The following RBFOX1 variants were observed in gnomAD, a reference collection of about 807,000 sequenced individuals.
RBFOX1 encodes the protein RNA binding protein fox-1 homolog 1.
A neutral mutation model predicts 57.7 loss-of-function variants in RBFOX1; 8 were observed. The observed-to-expected ratio is 0.14, with a 90% CI of 0.08 to 0.25. The LOEUF (loss-of-function observed/expected upper bound fraction) is 0.25. Ranked by LOEUF, RBFOX1 falls within the 10% of genes least tolerant of loss-of-function variation. The probability of loss-of-function intolerance (pLI) is 1.00; values close to 1 mark genes in which losing one functional copy is unlikely to be tolerated. For synonymous variants in RBFOX1, 326 were observed against 222.4 expected, an observed-to-expected ratio of 1.47 and a Z score of -4.15; for missense variants, 611 against 548.5, an observed-to-expected ratio of 1.11 and a Z score of -1.14.
At chr16:5,431,202 C>T (rs180965212) in intron 1 of RBFOX1, among the ~76,000 whole-genome samples, 3 of 152,192 alleles carry the variant, frequency 2.0e-5, no homozygotes, top group African/African-American at 4.8e-5. Flanking sequence ...TCGGAGATAA[C>T]TCGATTCTCC....
At position 5,947,906 on chromosome 16, in the gene RBFOX1, G is replaced by GCT. The variant is rs1378053069; in HGVS notation, c.351+80574_351+80575dup. On this transcript the variant is annotated intron_variant, in intron 4 of 19. Coordinates refer to the RBFOX1 transcript ENST00000641259. The surrounding 1 kb of genome is among the most constrained non-coding windows in gnomAD (Gnocchi z 7.2). ...GTTTATGTAATTATTAGTTTGAATG[G>GCT]CTCTGCTCATTATGGTACAGAATTT... Among the ~76,000 whole-genome samples the GCT allele has an allele frequency of 2.0e-5, 3 of 152,194 alleles. No homozygotes were observed. Among genetic ancestry groups the GCT allele is most frequent in the African/African-American group, 7.2e-5 (3 of 41,454 alleles).
At chr16:7,652,539 C>G in intron 11 of RBFOX1, among the ~76,000 whole-genome samples, 1 of 152,262 alleles carries the variant, frequency 6.6e-6, no homozygotes, top group Middle Eastern at 3.4e-3. Flanking sequence ...TCCCAAGTAG[C>G]GGGAATTATA....
intron 5 of RBFOX1, among the ~76,000 whole-genome samples, chr16:7,563,163 G>A (rs1379780447): frequency 2.0e-5 from 3 of 152,184 alleles, no homozygotes; most frequent in African/African-American, 7.2e-5. Context: ...GAGATTAATA[G>A]AATGCTAATC....
intron 1 of RBFOX1, among the ~76,000 whole-genome samples, chr16:5,347,474 A>G (rs559185194): frequency 6.6e-6 from 1 of 152,144 alleles, no homozygotes; most frequent in Non-Finnish European, 1.5e-5. Flanking sequence ...AGAGATAATA[A>G]TTATCATTGA....
In RBFOX1 at chr16:5,773,286, G is replaced by A. The variant is rs191894820; in HGVS notation, c.319-94017G>A. Among the ~76,000 whole-genome samples, 1,082 of 152,280 alleles carry A rather than the reference G, an allele frequency of 7.1e-3. 14 individuals carry two copies. The highest frequency in any genetic ancestry group is 0.025 in the African/African-American group (1,021 of 41,556). ...AGAAAGAAAGAGATTCCTTCTTACT[G>A]CATTGTAGCTCCTTCCTCAGTGGTA... On this transcript the variant is annotated intron_variant, in intron 3 of 19. Coordinates refer to the RBFOX1 transcript ENST00000641259.
chr16:7,708,821 C>T (rs80214484), intron 14 of RBFOX1, among the ~76,000 whole-genome samples: 6 of 7,236 alleles, frequency 8.3e-4, no homozygotes, highest in Non-Finnish European at 8.9e-4. Flanking sequence ...TATGTAAGTA[C>T]GTGTGTATAT....
chr16:6,800,200 T>C (rs1293661864), intron 3 of RBFOX1, among the ~76,000 whole-genome samples: 1 of 145,862 alleles, frequency 6.9e-6, no homozygotes, highest in African/African-American at 2.8e-5. Flanking sequence ...AAACAAGTCT[T>C]GCTGTTTTCC....
chr16:5,511,789 G>A (rs1178938782), intron 2 of RBFOX1, among the ~76,000 whole-genome samples: 1 of 152,214 alleles, frequency 6.6e-6, no homozygotes, highest in Non-Finnish European at 1.5e-5. Flanking sequence ...CAAGGTGAAT[G>A]TAACTATGTC....
intron 4 of RBFOX1, among the ~76,000 whole-genome samples, chr16:5,938,110 C>G (rs2059203926): frequency 6.6e-6 from 1 of 152,122 alleles, no homozygotes; most frequent in Non-Finnish European, 1.5e-5. Context: ...CCTTTTCATT[C>G]TTTTCTTCTC....
chr16:6,018,727 C>T (rs547933138), upstream of RBFOX1, among the ~76,000 whole-genome samples: 14 of 152,296 alleles, frequency 9.2e-5, no homozygotes, highest in Non-Finnish European at 1.9e-4. Context: ...AAGCTGCCTC[C>T]ACTTGGCGTC....
chr16:6,903,965 A>T (rs1365098636), intron 3 of RBFOX1, among the ~76,000 whole-genome samples: 1 of 152,094 alleles, frequency 6.6e-6, no homozygotes, highest in East Asian at 1.9e-4. Flanking sequence ...CAAATCTGCA[A>T]ATCCAAGGTT....
Position 7,180,436 on chromosome 16 carries a change from G to A in RBFOX1, c.27+128338G>A, listed in dbSNP as rs138245912. ...CTCTTGTCATCAGATGCCGGGCAAG[G>A]TGAAGCCCTACATTCTACAGACGTG... On this transcript the variant is annotated intron_variant, in intron 4 of 15. Transcript: ENST00000550418. Among the ~76,000 whole-genome samples, 69 of 152,224 alleles carry A rather than the reference G, an allele frequency of 4.5e-4. No individual in the cohort carries two copies. In the East Asian group the frequency reaches 7.7e-3, roughly 17 times the overall value.
At chr16:6,986,926 C>G (rs1303012179) in intron 3 of RBFOX1, among the ~76,000 whole-genome samples, 2 of 152,164 alleles carry the variant, frequency 1.3e-5, no homozygotes, top group Admixed American at 6.5e-5. Context: ...CCACCCCTTG[C>G]TCACCTGCCC....
intron 4 of RBFOX1, among the ~76,000 whole-genome samples, chr16:7,404,028 C>CTTTTATTTTATTTTATTTTATTTTA (rs57717446): frequency 0.022 from 2,841 of 129,980 alleles, 113 homozygotes; most frequent in Middle Eastern, 0.031. Flanking sequence ...ATTTCATTTC[C>CTTTTATTTTATTTTATTTTATTTTA]TTTTATTTTA....
chr16:5,288,541 C>T (rs146180126), intron 1 of RBFOX1, among the ~76,000 whole-genome samples: 1,942 of 151,924 alleles, frequency 0.013, 33 homozygotes, highest in African/African-American at 0.044. Flanking sequence ...GGTCTGGCTT[C>T]AACAAAGATA....
intron 3 of RBFOX1, among the ~76,000 whole-genome samples, chr16:6,693,764 A>G (rs553553834): frequency 3.9e-4 from 60 of 151,902 alleles, no homozygotes; most frequent in African/African-American, 1.4e-3. Context: ...CACCACCATC[A>G]TTAGCAACAT....
At chr16:6,740,362 C>T (rs1304330043) in intron 3 of RBFOX1, among the ~76,000 whole-genome samples, 1 of 152,096 alleles carries the variant, frequency 6.6e-6, no homozygotes, top group Non-Finnish European at 1.5e-5. Flanking sequence ...GACACCACTG[C>T]TATTCAACAT....
At chr16:6,579,187 T>G (rs1402530538) in intron 2 of RBFOX1, among the ~76,000 whole-genome samples, 1 of 152,184 alleles carries the variant, frequency 6.6e-6, no homozygotes, top group Non-Finnish European at 1.5e-5. Flanking sequence ...TGTTTTTGTT[T>G]TGTTTTCTTT....
chr16:7,692,479 A>T (rs1169135094), intron 14 of RBFOX1, among the ~76,000 whole-genome samples: 4 of 152,150 alleles, frequency 2.6e-5, no homozygotes, highest in Admixed American at 6.5e-5. Flanking sequence ...GTTCTTGGTG[A>T]TCCATAAGCA....
Sources: gnomAD v4.1 joint callset for allele counts (sites outside exome capture counted in the v4.1 genomes callset) on GRCh38, gnomAD v4.1.1 for gene constraint, Gnocchi (gnomAD v3.1) non-coding constraint, MANE v1.5 for transcripts, NCBI Gene and HGNC (gene_info 2026-07-23, HGNC 2026-07-21) for gene names.